The following ACTR3 variants were observed in gnomAD, a reference collection of about 807,000 sequenced individuals.
The protein encoded by ACTR3 is actin related protein 3.
Under a neutral mutation model 56.8 loss-of-function variants are expected in ACTR3, and 12 were observed. The ratio of observed to expected loss-of-function variants is 0.21; its 90% CI spans 0.14 to 0.34. The LOEUF is 0.34. Ranked by LOEUF, ACTR3 falls within the 10% of genes least tolerant of loss-of-function variation. The pLI, the probability that ACTR3 is intolerant of heterozygous loss-of-function variation, is 1.00. For missense variants in ACTR3, 282 were observed against 512.5 expected (o/e 0.55, Z 4.34); for synonymous variants, 162 against 167.4 (o/e 0.97, Z 0.25).
In ACTR3 at chr2:113,907,394, G is replaced by A. The variant is rs547636112; in HGVS notation, c.45-5778G>A. On this transcript the variant is annotated intron_variant, in intron 1 of 11. Coordinates refer to ENST00000263238, the MANE Select transcript of ACTR3 (RefSeq NM_005721.5). Reference sequence around the variant, plus strand: ...TGCCTCCCAAGTAGCTAGGACTACAGGTGTGAGCTGCTATGTCCAGCTGAT... The same window carrying A: ...TGCCTCCCAAGTAGCTAGGACTACAAGTGTGAGCTGCTATGTCCAGCTGAT... 4.6e-5 allele frequency among the ~76,000 whole-genome samples: 7 copies of A among 152,266 alleles called. No individual in the cohort carries two copies. The East Asian group carries it at 1.2e-3, about 25-fold the overall frequency.
intron 8 of ACTR3, 30 bp from the exon 9 acceptor site, chr2:113,951,449 T>C: frequency 6.9e-7 from 1 of 1,443,686 alleles, no homozygotes; most frequent in Non-Finnish European, 9.7e-7. Flanking sequence ...AGTGATATGA[T>C]CTCTATTATA....
intron 1 of ACTR3, among the ~76,000 whole-genome samples, 179 bp from the exon 2 acceptor site, chr2:113,912,993 T>C (rs557102165): frequency 1.3e-5 from 2 of 152,322 alleles, no homozygotes; most frequent in East Asian, 3.9e-4. Context: ...TCAGAAGCTC[T>C]GTGCATTTAT....
intron 3 of ACTR3, among the ~76,000 whole-genome samples, chr2:113,917,861 A>T (rs1679436139): frequency 6.6e-6 from 1 of 152,236 alleles, no homozygotes; most frequent in African/African-American, 2.4e-5. Flanking sequence ...GGAAACACAC[A>T]CACAGTGCTC....
chr2:113,948,112 A>G (rs1037848460), intron 8 of ACTR3, among the ~76,000 whole-genome samples: 39 of 152,112 alleles, frequency 2.6e-4, no homozygotes, highest in Non-Finnish European at 1.3e-4. Context: ...CTCCTTAGCT[A>G]TGAATTGCTT....
At chr2:113,894,029 A>G (rs144273931) in intron 1 of ACTR3, among the ~76,000 whole-genome samples, 18 of 152,046 alleles carry the variant, frequency 1.2e-4, no homozygotes, top group Non-Finnish European at 2.6e-4. Flanking sequence ...GAAGGAAGGT[A>G]TATGTGGGAA....
chr2:113,902,570 C>T (rs1468329930), intron 1 of ACTR3, among the ~76,000 whole-genome samples: 1 of 151,474 alleles, frequency 6.6e-6, no homozygotes, highest in Admixed American at 6.6e-5. Flanking sequence ...ACTTGTTTCT[C>T]TAGATCACAA....
intron 7 of ACTR3, among the ~76,000 whole-genome samples, chr2:113,940,820 AT>A (rs58868582): frequency 0.05 from 6,081 of 121,860 alleles, 342 homozygotes; most frequent in African/African-American, 0.16. Context: ...ATTTTTATTG[AT>A]TTTTTTTTTT....
intron 4 of ACTR3, among the ~76,000 whole-genome samples, chr2:113,927,921 C>T (rs1452995219): frequency 6.6e-6 from 1 of 152,132 alleles, no homozygotes; most frequent in Non-Finnish European, 1.5e-5. Context: ...ACTTTCCTTT[C>T]TTACCTCTCC....
intron 1 of ACTR3, among the ~76,000 whole-genome samples, chr2:113,903,387 G>A (rs751708298): frequency 2.0e-5 from 3 of 152,128 alleles, no homozygotes; most frequent in Non-Finnish European, 2.9e-5. Context: ...TTGTTTCTGA[G>A]ACTGAGTCTT....
chr2:113,940,467 G>T (rs1409429863), intron 7 of ACTR3, among the ~76,000 whole-genome samples: 1 of 151,950 alleles, frequency 6.6e-6, no homozygotes, highest in Non-Finnish European at 1.5e-5. Context: ...AAAAGCTTTT[G>T]TCATAAAAAT....
At chr2:113,918,211 A>G (rs1422344834) in intron 3 of ACTR3, among the ~76,000 whole-genome samples, 2 of 152,194 alleles carry the variant, frequency 1.3e-5, no homozygotes, top group Non-Finnish European at 2.9e-5. Context: ...ACCTAGAGGA[A>G]TAATTTTTGC....
chr2:113,949,405 A>AG (rs1491265931), intron 8 of ACTR3, among the ~76,000 whole-genome samples: 4 of 139,186 alleles, frequency 2.9e-5, no homozygotes, highest in Non-Finnish European at 5.9e-5. Flanking sequence ...AAAAAAAAAA[A>AG]GAAAAAATTG....
At chr2:113,957,245 T>C (rs1309153142) in intron 11 of ACTR3, 115 bp from the exon 12 acceptor site, 1 of 685,518 alleles carries the variant, frequency 1.5e-6, no homozygotes, top group African/African-American at 1.8e-5. Context: ...GGACTAATAA[T>C]AAACATTTTA....
intron 1 of ACTR3, among the ~76,000 whole-genome samples, chr2:113,894,657 A>G (rs1381379963): frequency 6.6e-6 from 1 of 152,208 alleles, no homozygotes; most frequent in Admixed American, 6.5e-5. Flanking sequence ...ACGAACTTTC[A>G]GGCTTATTGT....
intron 1 of ACTR3, among the ~76,000 whole-genome samples, chr2:113,901,937 T>C (rs555255873): frequency 9.5e-4 from 144 of 152,370 alleles, no homozygotes; most frequent in Non-Finnish European, 1.4e-3. Context: ...GCAAAGGATG[T>C]TAATGCTTTT....
At chr2:113,916,591 G>T (rs56235472) in intron 2 of ACTR3, among the ~76,000 whole-genome samples, 6,923 of 152,128 alleles carry the variant, frequency 0.046, 515 homozygotes, top group African/African-American at 0.16. Context: ...GTTTTACTGA[G>T]AATCAAAGGA....
At chr2:113,935,323 A>T (rs997338138) in intron 6 of ACTR3, among the ~76,000 whole-genome samples, 2 of 152,184 alleles carry the variant, frequency 1.3e-5, no homozygotes, top group African/African-American at 2.4e-5. Context: ...TCATCACCCT[A>T]CAAAGGAACC....
intron 1 of ACTR3, among the ~76,000 whole-genome samples, chr2:113,903,435 T>C (rs1375705775): frequency 6.6e-6 from 1 of 151,608 alleles, no homozygotes; most frequent in Admixed American, 6.6e-5. Context: ...GGCGCAGCCT[T>C]GGCCCACTGC....
At chr2:113,901,126 C>A (rs1381975497) in intron 1 of ACTR3, among the ~76,000 whole-genome samples, 1 of 152,130 alleles carries the variant, frequency 6.6e-6, no homozygotes, top group African/African-American at 2.4e-5. Flanking sequence ...TGAGACCAGC[C>A]TGACCAACAC....
Sources: gnomAD v4.1 joint callset for allele counts (sites outside exome capture counted in the v4.1 genomes callset) on GRCh38, gnomAD v4.1.1 for gene constraint, MANE v1.5 for transcripts, NCBI Gene and HGNC (gene_info 2026-07-23, HGNC 2026-07-21) for gene names.